The following RAI14 variants were observed in gnomAD, a reference collection of about 807,000 sequenced individuals.
RAI14 encodes retinoic acid induced 14.
RAI14 carries 45 observed loss-of-function variants against 115.4 expected under a neutral mutation model. That is an observed-to-expected ratio of 0.39 (90% CI 0.31 to 0.50). The LOEUF is 0.50. Ranked by LOEUF, RAI14 falls within the 20% of genes least tolerant of loss-of-function variation. The probability of loss-of-function intolerance (pLI) is 0.85; values close to 1 mark genes in which losing one functional copy is unlikely to be tolerated. For missense variants in RAI14, 939 were observed against 1,131.2 expected (o/e 0.83, Z 2.44); for synonymous variants, 371 against 415.4 (o/e 0.89, Z 1.30).
rs61629604 is a variant in RAI14 at position 34,704,243 on chromosome 5, C to T, written c.36+17288C>T. On this transcript the variant is annotated intron_variant, in intron 2 of 17. Coordinates refer to ENST00000265109, the MANE Select transcript of RAI14 (RefSeq NM_015577.3). ...TGTGTCCAATGAGAGAGAATGTTAA[C>T]TCACCATGGCAAGCAAATAATTTAC... Among the ~76,000 whole-genome samples, 367 of 152,322 alleles carry T rather than the reference C, an allele frequency of 2.4e-3. 1 individual carries two copies. The highest frequency in any genetic ancestry group is 8.7e-3 in the African/African-American group (363 of 41,564).
rs558992144 is a variant in RAI14, at chr5:34,824,772, C to T, written c.2649+281C>T. Among the ~76,000 whole-genome samples, 6 of 151,940 alleles carry T rather than the reference C, an allele frequency of 3.9e-5. No homozygotes were observed. The East Asian group carries it at 7.8e-4, about 20-fold the overall frequency. On this transcript the variant is annotated intron_variant, in intron 15 of 17. Coordinates refer to ENST00000265109, the MANE Select transcript of RAI14 (RefSeq NM_015577.3). Reference sequence around the variant, plus strand: ...CAGCCTGGCCAACATGGTGAAACCACGTCTCTACTAAAAATACAAAAATTA... The same window carrying T: ...CAGCCTGGCCAACATGGTGAAACCATGTCTCTACTAAAAATACAAAAATTA...
intron 2 of RAI14, among the ~76,000 whole-genome samples, chr5:34,737,601 A>T (rs560938023): frequency 6.6e-6 from 1 of 151,310 alleles, no homozygotes; most frequent in Admixed American, 6.6e-5. Flanking sequence ...AAAAAAAAAA[A>T]TTTAAAAATT....
chr5:34,656,908 C>T (rs902494479), intron 1 of RAI14: 8 of 152,446 alleles, frequency 5.2e-5, no homozygotes, highest in African/African-American at 1.7e-4. Flanking sequence ...CCTCGCTGCC[C>T]CCGCGTCGGT....
At chr5:34,709,129 C>CAAAAAAAAAAAAAAAAAAAAAAAAAAA (rs35361351) in intron 2 of RAI14, among the ~76,000 whole-genome samples, 1 of 96,040 alleles carries the variant, frequency 1.0e-5, no homozygotes, top group Non-Finnish European at 2.1e-5. Flanking sequence ...GACCCTATCT[C>CAAAAAAAAAAAAAAAAAAAAAAAAAAA]AAAAAAAAAA....
At chr5:34,714,173 C>T (rs1437628423) in intron 2 of RAI14, among the ~76,000 whole-genome samples, 2 of 152,188 alleles carry the variant, frequency 1.3e-5, no homozygotes, top group Non-Finnish European at 2.9e-5. Flanking sequence ...TTACATTCTT[C>T]ACATAAATTT....
intron 1 of RAI14, among the ~76,000 whole-genome samples, chr5:34,675,679 A>T (rs1345152356): frequency 6.6e-6 from 1 of 151,826 alleles, no homozygotes; most frequent in Non-Finnish European, 1.5e-5. Context: ...TGAGCCCAGG[A>T]GTTTGAGGCT....
At chr5:34,740,519 A>G (rs755610686) in intron 2 of RAI14, among the ~76,000 whole-genome samples, 4 of 152,206 alleles carry the variant, frequency 2.6e-5, no homozygotes, top group African/African-American at 4.8e-5. Flanking sequence ...TGACTTTTCC[A>G]AAGTTCTCCA....
rs1561220955 is a variant in RAI14, at chr5:34,665,144, C to CGTGT, written c.-49+8669_-49+8670insGTGT. The stretch of plus-strand genomic sequence containing the variant: ...ATATATGTATGTGTATATATATACA[C>CGTGT]ATATATATGTGTGTGTATATATATA... On this transcript the variant is annotated intron_variant, in intron 1 of 17. Transcript: ENST00000265109. Among the ~76,000 whole-genome samples, 4 of 25,004 alleles carry CGTGT rather than the reference C, an allele frequency of 1.6e-4. 2 individuals are homozygous for CGTGT. Among genetic ancestry groups the CGTGT allele is most frequent in the Non-Finnish European group, 3.9e-4 (4 of 10,192 alleles). 16.4% of individuals were successfully genotyped at this position (25,004 alleles called of 152,430 possible). A position where few individuals can be genotyped will look rare whatever the true frequency, so the allele number is the denominator to read the frequency against.
intron 1 of RAI14, among the ~76,000 whole-genome samples, chr5:34,667,618 C>T (rs1351751285): frequency 2.0e-5 from 3 of 152,014 alleles, no homozygotes; most frequent in Non-Finnish European, 2.9e-5. Flanking sequence ...TAGCCAATAA[C>T]GGTATATTTA....
chr5:34,803,835 A>C (rs1754564817), intron 5 of RAI14, 59 bp downstream of exon 5: 13 of 1,476,810 alleles, frequency 8.8e-6, no homozygotes, highest in Non-Finnish European at 1.2e-5. Flanking sequence ...GAAAGTAATC[A>C]TATTTGTGAA....
At chr5:34,781,083 A>C (rs1340975718) in intron 3 of RAI14, among the ~76,000 whole-genome samples, 1 of 152,046 alleles carries the variant, frequency 6.6e-6, no homozygotes, top group East Asian at 1.9e-4. Context: ...ACATGGATGA[A>C]GCTGGAAACC....
intron 12 of RAI14, among the ~76,000 whole-genome samples, chr5:34,816,677 T>G (rs899689034): frequency 3.9e-5 from 6 of 152,202 alleles, no homozygotes; most frequent in African/African-American, 1.4e-4. Flanking sequence ...TTTTTTTAAC[T>G]TGGATACACA....
intron 4 of RAI14, among the ~76,000 whole-genome samples, chr5:34,797,066 T>C (rs1753626626): frequency 6.6e-6 from 1 of 152,170 alleles, no homozygotes; most frequent in African/African-American, 2.4e-5. Flanking sequence ...CCCTGGGGTC[T>C]CCAGCCTGGG....
chr5:34,811,006 T>G lies in RAI14; in HGVS notation c.451-6T>G. On this transcript the variant is annotated splice_region_variant and splice_polypyrimidine_tract_variant and intron_variant, in intron 7 of 17. Coordinates refer to ENST00000265109, the MANE Select transcript of RAI14 (RefSeq NM_015577.3). ...GGTAAAATCTAAATCTGAATTTGTC[T>G]CCTAGGATGGGAATATACCGCTGCT... The G allele has an allele frequency of 1.2e-6, 2 of 1,612,768 alleles. No individual in the cohort carries two copies. The highest frequency in any genetic ancestry group is 1.7e-6 in the Non-Finnish European group (2 of 1,179,562).
intron 2 of RAI14, among the ~76,000 whole-genome samples, chr5:34,721,617 T>A (rs1242492931): frequency 6.6e-6 from 1 of 152,178 alleles, no homozygotes; most frequent in Non-Finnish European, 1.5e-5. Flanking sequence ...ATTCCGTGTC[T>A]GCCTTTATGG....
intron 2 of RAI14, among the ~76,000 whole-genome samples, chr5:34,752,424 C>T (rs1303403801): frequency 1.3e-5 from 2 of 151,922 alleles, no homozygotes; most frequent in Admixed American, 6.6e-5. Flanking sequence ...GGAGAAAAAC[C>T]GTAAGCTCTC....
intron 2 of RAI14, among the ~76,000 whole-genome samples, chr5:34,735,749 G>T (rs1331394099): frequency 6.6e-6 from 1 of 152,222 alleles, no homozygotes; most frequent in Non-Finnish European, 1.5e-5. Flanking sequence ...TAATTCGGCA[G>T]GGTTTATTTA....
chr5:34,757,219 A>G, intron 2 of RAI14: 2 of 539,696 alleles, frequency 3.7e-6, no homozygotes, highest in South Asian at 3.1e-5. Context: ...TAGTTAAAAG[A>G]AGTAAATTTT....
At chr5:34,749,969 T>G (rs967955872) in intron 2 of RAI14, among the ~76,000 whole-genome samples, 8 of 152,330 alleles carry the variant, frequency 5.3e-5, no homozygotes, top group Non-Finnish European at 8.8e-5. Flanking sequence ...TGCATTAAGC[T>G]GTTATCAGCC....
Sources: allele counts gnomAD v4.1 joint callset (sites outside exome capture counted in the v4.1 genomes callset), GRCh38; gene constraint gnomAD v4.1.1; transcripts MANE v1.5; gene names NCBI Gene and HGNC (gene_info 2026-07-23, HGNC 2026-07-21).